Variants in CDKAL1 observed in about 807,000 individuals in gnomAD.
CDKAL1 encodes threonylcarbamoyladenosine tRNA methylthiotransferase.
Under a neutral mutation model 68.2 loss-of-function variants are expected in CDKAL1, and 32 were observed. The ratio of observed to expected loss-of-function variants is 0.47; its 90% CI spans 0.35 to 0.63. The LOEUF (loss-of-function observed/expected upper bound fraction) is 0.63. Among genes scored for constraint, CDKAL1 ranks in the 30% least tolerant of loss-of-function variants. The pLI is 0.00. For missense variants in CDKAL1, 606 were observed against 696.7 expected, an observed-to-expected ratio of 0.87 and a Z score of 1.47; for synonymous variants, 234 against 244.3, an observed-to-expected ratio of 0.96 and a Z score of 0.39.
At chr6:21,219,496 G>A (rs1194832087) in intron 15 of CDKAL1, among the ~76,000 whole-genome samples, 3 of 152,218 alleles carry the variant, frequency 2.0e-5, no homozygotes, top group Non-Finnish European at 2.9e-5. Context: ...TATAAACCAT[G>A]TAATTTTTCC....
chr6:20,832,711 C>T (rs1388300916), intron 8 of CDKAL1, among the ~76,000 whole-genome samples: 2 of 152,022 alleles, frequency 1.3e-5, no homozygotes, highest in Admixed American at 1.3e-4. Context: ...TGGCAAACAC[C>T]ATTTACTTGG....
chr6:21,088,544 A>G (rs1772825089), intron 12 of CDKAL1, among the ~76,000 whole-genome samples: 1 of 152,240 alleles, frequency 6.6e-6, no homozygotes, highest in Non-Finnish European at 1.5e-5. Context: ...TTCAAAAGTT[A>G]GGAAATGTCC....
intron 13 of CDKAL1, among the ~76,000 whole-genome samples, chr6:21,110,449 G>A (rs1774066110): frequency 6.6e-6 from 1 of 152,186 alleles, no homozygotes; most frequent in Admixed American, 6.5e-5. Flanking sequence ...AGAGGGTTGT[G>A]TTTAAAGTTA....
In CDKAL1 at chr6:20,539,748, G is replaced by C. The variant is rs1309998895; in HGVS notation, c.-6+4354G>C. On this transcript the variant is annotated intron_variant, in intron 2 of 15. Coordinates refer to ENST00000274695, the MANE Select transcript of CDKAL1 (RefSeq NM_017774.3). The surrounding 1 kb of genome is among the most constrained non-coding windows in gnomAD (Gnocchi z 4.3). Reference sequence around the variant, plus strand: ...CATTGCAGATCTTTGTAGTGATTTTGGCTTTTTACTCTGATATGGAATACC... The same window carrying C: ...CATTGCAGATCTTTGTAGTGATTTTCGCTTTTTACTCTGATATGGAATACC... 6.6e-6 allele frequency among the ~76,000 whole-genome samples: 1 copy of C among 152,106 alleles called. No homozygotes were observed. Among genetic ancestry groups the C allele is most frequent in the African/African-American group, 2.4e-5 (1 of 41,420 alleles).
chr6:20,741,153 C>T (rs955549878), intron 6 of CDKAL1, among the ~76,000 whole-genome samples: 3 of 151,954 alleles, frequency 2.0e-5, no homozygotes, highest in Non-Finnish European at 4.4e-5. Flanking sequence ...TCTCCAGATG[C>T]AGTGTAAGGG....
At position 20,885,639 on chromosome 6, in the gene CDKAL1, G is replaced by GA. The variant is rs1318757584; in HGVS notation, c.742+39467dup. On this transcript the variant is annotated intron_variant, in intron 9 of 15. Coordinates refer to ENST00000274695, the MANE Select transcript of CDKAL1 (RefSeq NM_017774.3). ...GTCACCAAAAGCACAAGCAACAAAA[G>GA]AAAAAATAGATAAATTTGACTTCAT... Among the ~76,000 whole-genome samples the GA allele has an allele frequency of 2.6e-5, 4 of 152,028 alleles. No individual in the cohort carries two copies. In the East Asian group the frequency reaches 7.7e-4, roughly 29 times the overall value.
chr6:20,903,310 CATCATTATTTGGAG>C (rs1472765958), intron 9 of CDKAL1, among the ~76,000 whole-genome samples: 2 of 152,158 alleles, frequency 1.3e-5, no homozygotes, highest in Non-Finnish European at 2.9e-5. Flanking sequence ...TCTTCCCAAG[CATCATTATTTGGAG>C]ATGTGTTCTT....
intron 9 of CDKAL1, among the ~76,000 whole-genome samples, chr6:20,892,583 T>C (rs1041927779): frequency 2.6e-5 from 4 of 152,160 alleles, no homozygotes; most frequent in Non-Finnish European, 5.9e-5. Context: ...TGTATATTTA[T>C]ATATTTATAT....
intron 9 of CDKAL1, among the ~76,000 whole-genome samples, chr6:20,954,596 T>C (rs1764688981): frequency 6.6e-6 from 1 of 152,318 alleles, no homozygotes; most frequent in Admixed American, 6.5e-5. Flanking sequence ...AAAAGTTCTG[T>C]GTGCCATGAA....
At chr6:20,810,992 A>G (rs528720192) in intron 8 of CDKAL1, among the ~76,000 whole-genome samples, 2 of 152,304 alleles carry the variant, frequency 1.3e-5, no homozygotes, top group South Asian at 2.1e-4. Flanking sequence ...TAAGACTGAA[A>G]TGGCTTCAAT....
chr6:20,845,094 T>A (rs1419744450), intron 8 of CDKAL1, among the ~76,000 whole-genome samples: 10 of 152,216 alleles, frequency 6.6e-5, no homozygotes, highest in Non-Finnish European at 7.3e-5. Flanking sequence ...TTCATATGTA[T>A]CTTAAAGTCA....
intron 15 of CDKAL1, among the ~76,000 whole-genome samples, chr6:21,211,999 A>C (rs1779167143): frequency 6.6e-6 from 1 of 152,010 alleles, no homozygotes. Flanking sequence ...GGGCTCAAGC[A>C]ATGCTCCAGC....
chr6:21,081,270 GA>G (rs957468026), intron 12 of CDKAL1, among the ~76,000 whole-genome samples: 6 of 152,172 alleles, frequency 3.9e-5, no homozygotes, highest in Admixed American at 2.0e-4. Flanking sequence ...TATTAGAGTT[GA>G]GAAAGACTGA....
At chr6:20,878,023 TACC>T (rs779985507) in intron 9 of CDKAL1, among the ~76,000 whole-genome samples, 1 of 152,214 alleles carries the variant, frequency 6.6e-6, no homozygotes, top group Non-Finnish European at 1.5e-5. Context: ...AGCTCAAAAT[TACC>T]ACATTAGTTT....
At chr6:21,218,121 C>T (rs1779408304) in intron 15 of CDKAL1, among the ~76,000 whole-genome samples, 1 of 152,192 alleles carries the variant, frequency 6.6e-6, no homozygotes, top group Admixed American at 6.5e-5. Flanking sequence ...TAAAGTTTTT[C>T]TAGTTTTTCC....
At chr6:20,709,240 T>C (rs954366680) in intron 5 of CDKAL1, among the ~76,000 whole-genome samples, 1 of 152,172 alleles carries the variant, frequency 6.6e-6, no homozygotes, top group African/African-American at 2.4e-5. Flanking sequence ...CCTTGGCTGG[T>C]ATTTGAACCG....
intron 9 of CDKAL1, among the ~76,000 whole-genome samples, chr6:20,952,778 G>T (rs1353688283): frequency 6.6e-6 from 1 of 152,230 alleles, no homozygotes; most frequent in East Asian, 1.9e-4. Flanking sequence ...ATGCAAGCGT[G>T]GCCTGGCAGG....
intron 15 of CDKAL1, among the ~76,000 whole-genome samples, chr6:21,229,337 C>T (rs961854190): frequency 1.4e-4 from 21 of 152,126 alleles, no homozygotes; most frequent in African/African-American, 4.6e-4. Flanking sequence ...TTCCCTCTGC[C>T]GTCATCCTGA....
At chr6:20,963,499 C>A (rs756786852) in intron 10 of CDKAL1, among the ~76,000 whole-genome samples, 3 of 152,122 alleles carry the variant, frequency 2.0e-5, no homozygotes. Context: ...TACTACTGAG[C>A]CTTTGTTTGT....
Sources: allele counts gnomAD v4.1 joint callset (sites outside exome capture counted in the v4.1 genomes callset), GRCh38; gene constraint gnomAD v4.1.1; non-coding constraint Gnocchi (gnomAD v3.1); transcripts MANE v1.5; gene names NCBI Gene and HGNC (gene_info 2026-07-23, HGNC 2026-07-21).